The following MYOF variants were observed in gnomAD, a reference collection of about 807,000 sequenced individuals.
MYOF encodes the protein myoferlin.
Under a neutral mutation model 284.2 loss-of-function variants are expected in MYOF, and 244 were observed. The ratio of observed to expected loss-of-function variants is 0.86; its 90% confidence interval spans 0.77 to 0.95. The LOEUF (loss-of-function observed/expected upper bound fraction) is 0.95, where lower values mean the gene tolerates loss of function less well. Among genes scored for constraint, MYOF ranks in the 40% least tolerant of loss-of-function variants. The pLI, the probability that MYOF is intolerant of heterozygous loss-of-function variation, is 0.00. For missense variants in MYOF, 2,496 were observed against 2,560.6 expected, an observed-to-expected ratio of 0.97 and a Z score of 0.54; for synonymous variants, 904 against 919.7, an observed-to-expected ratio of 0.98 and a Z score of 0.31.
chr10:93,400,477 T>G (rs1847228545), intron 12 of MYOF, among the ~76,000 whole-genome samples: 1 of 152,034 alleles, frequency 6.6e-6, no homozygotes, highest in Non-Finnish European at 1.5e-5. Context: ...ATTTGACACA[T>G]TTTTGAGAGA....
rs575373979 is a variant in MYOF, at chr10:93,387,879, A to G, written c.1616T>C (p.Val539Ala). The G allele has an allele frequency of 3.2e-5, 52 of 1,614,086 alleles. No individual in the cohort carries two copies. In the Admixed American group the frequency reaches 7.7e-4, roughly 24 times the overall value. ...CTTCTCAAGAAAAGTGGCTAATTCA[A>G]CCAAGATCCTGCCTCTGTAGGCAAC... ...EGVAYRGRIL[V>A]ELATFLEKTP... Residue 539 changes from valine (V) to alanine (A), a missense_variant, in exon 19 of 54, where the codon GTT becomes GCT. Physicochemically the swap from Val to Ala is moderately conservative, Grantham distance 64. Coordinates refer to ENST00000359263, the MANE Select transcript of MYOF (RefSeq NM_013451.4).
In MYOF at chr10:93,425,699, G is replaced by A. The variant is rs917524028; in HGVS notation, c.433+372C>T. On this transcript the variant is annotated intron_variant, in intron 5 of 53. Transcript: ENST00000359263. Reference sequence around the variant, plus strand: ...CGGTGGTGGCACCTTTGGGAGGTGAGGAGACACACAGAGGAGAGCAGAGGG... The same window carrying A: ...CGGTGGTGGCACCTTTGGGAGGTGAAGAGACACACAGAGGAGAGCAGAGGG... 5 of 215,204 alleles carry A rather than the reference G, an allele frequency of 2.3e-5. No homozygotes were observed. The South Asian group carries it at 4.5e-4, about 19-fold the overall frequency. The allele number at this position is 215,204 out of a possible 1,614,324, so 13.3% of individuals were successfully genotyped here. A position where few individuals can be genotyped will look rare whatever the true frequency, so the allele number is the denominator to read the frequency against.
intron 19 of MYOF, among the ~76,000 whole-genome samples, chr10:93,384,277 A>C (rs1443372529): frequency 1.3e-5 from 2 of 152,228 alleles, no homozygotes; most frequent in African/African-American, 4.8e-5. Flanking sequence ...GAGAGGAAGG[A>C]ACAATAAACA....
At chr10:93,467,903 C>A (rs1015597274) in intron 1 of MYOF, among the ~76,000 whole-genome samples, 5 of 152,180 alleles carry the variant, frequency 3.3e-5, no homozygotes, top group Non-Finnish European at 5.9e-5. Flanking sequence ...GGGTGCCAGG[C>A]GACCTGTCAC....
chr10:93,351,329 C>G, intron 34 of MYOF, 34 bp from the exon 35 acceptor site: 1 of 1,608,976 alleles, frequency 6.2e-7, no homozygotes, highest in Admixed American at 1.7e-5. Flanking sequence ...CAATGCCTCA[C>G]TTTAGTTCAA....
At chr10:93,403,990 G>C (rs1299903714) in intron 9 of MYOF, 33 bp downstream of exon 9, 2 of 1,605,834 alleles carry the variant, frequency 1.2e-6, no homozygotes, top group Non-Finnish European at 1.7e-6. Flanking sequence ...TCATCTTTCT[G>C]TAAGTTGAAT....
intron 46 of MYOF, chr10:93,323,588 C>T (rs577003588): frequency 3.7e-6 from 2 of 535,248 alleles, no homozygotes; most frequent in South Asian, 2.6e-5. Flanking sequence ...CTGACGGCTG[C>T]ACATGCCCAC....
At chr10:93,367,291 A>C (rs1217698599) in intron 25 of MYOF, among the ~76,000 whole-genome samples, 1 of 152,194 alleles carries the variant, frequency 6.6e-6, no homozygotes, top group East Asian at 1.9e-4. Context: ...GAAAGGGTAG[A>C]GATTTGCCAG....
chr10:93,406,291 T>TAC (rs1240055329), intron 7 of MYOF, among the ~76,000 whole-genome samples: 2 of 69,240 alleles, frequency 2.9e-5, no homozygotes, highest in Non-Finnish European at 6.2e-5. Context: ...ACCTCTTTTA[T>TAC]ATATATATAT....
intron 43 of MYOF, among the ~76,000 whole-genome samples, chr10:93,331,526 C>T (rs910270340): frequency 6.6e-6 from 1 of 152,166 alleles, no homozygotes; most frequent in African/African-American, 2.4e-5. Flanking sequence ...AGCTGGCTTT[C>T]CCTGCTTCCC....
At chr10:93,422,253 G>A (rs1848384778) in intron 5 of MYOF, among the ~76,000 whole-genome samples, 1 of 152,198 alleles carries the variant, frequency 6.6e-6, no homozygotes, top group African/African-American at 2.4e-5. Flanking sequence ...AGGAACCCAA[G>A]TTTTGGTTCA....
At chr10:93,374,690 T>C in intron 23 of MYOF, 73 bp downstream of exon 23, 1 of 1,450,980 alleles carries the variant, frequency 6.9e-7, no homozygotes, top group Non-Finnish European at 9.4e-7. Context: ...CTTTCCACCA[T>C]CCTATTCTTG....
intron 24 of MYOF, among the ~76,000 whole-genome samples, chr10:93,371,007 G>A (rs555733480): frequency 1.3e-5 from 2 of 152,198 alleles, no homozygotes; most frequent in South Asian, 4.2e-4. Context: ...AAGTTTGATA[G>A]CTTCCCAACA....
At chr10:93,315,932 G>A (rs1234738725) in intron 50 of MYOF, among the ~76,000 whole-genome samples, 1 of 151,244 alleles carries the variant, frequency 6.6e-6, no homozygotes. Context: ...GCCAGCCTGG[G>A]CAACATAGTG....
chr10:93,333,131 G>A (rs1447992751), intron 43 of MYOF, 90 bp downstream of exon 43: 2 of 1,074,526 alleles, frequency 1.9e-6, no homozygotes, highest in African/African-American at 3.1e-5. Flanking sequence ...CAGTTTCAGA[G>A]CCTAGGACAG....
chr10:93,328,995 T>A, intron 44 of MYOF, 84 bp from the exon 45 acceptor site: 1 of 1,414,766 alleles, frequency 7.1e-7, no homozygotes, highest in Non-Finnish European at 9.6e-7. Flanking sequence ...CATGTACTCT[T>A]AGGTGCTCCC....
chr10:93,381,176 C>G (rs1401368413), intron 20 of MYOF, 43 bp downstream of exon 20: 9 of 1,601,876 alleles, frequency 5.6e-6, no homozygotes, highest in Admixed American at 1.7e-5. Flanking sequence ...CCGTGGTGCA[C>G]CCATTGTAAA....
At position 93,367,926 on chromosome 10, in the gene MYOF, G is replaced by T. The variant is rs190166302; in HGVS notation, c.2590-1371C>A. 1.4e-3 allele frequency among the ~76,000 whole-genome samples: 207 copies of T among 152,176 alleles called. 1 individual carries two copies. The highest frequency in any genetic ancestry group is 2.2e-3 in the Admixed American group (34 of 15,288). On this transcript the variant is annotated intron_variant, in intron 25 of 53. Coordinates refer to ENST00000359263, the MANE Select transcript of MYOF (RefSeq NM_013451.4). ...ATGTGCCTCTGCTGGTACTCAACAG[G>T]TGAGTCACACAGAACAACAGAAATG...
intron 5 of MYOF, among the ~76,000 whole-genome samples, chr10:93,417,086 T>C (rs1210800048): frequency 6.6e-6 from 1 of 152,156 alleles, no homozygotes. Flanking sequence ...TTCACAGTGG[T>C]TCAAGATTCC....
Sources: allele counts gnomAD v4.1 joint callset (sites outside exome capture counted in the v4.1 genomes callset), GRCh38; gene constraint gnomAD v4.1.1; transcripts MANE v1.5; gene names NCBI Gene and HGNC (gene_info 2026-07-23, HGNC 2026-07-21).